Variants in NAP1L1 observed in about 807,000 individuals in gnomAD.
NAP1L1 encodes the protein nucleosome assembly protein 1-like 1.
Under a neutral mutation model 58.9 loss-of-function variants are expected in NAP1L1, and 9 were observed. The ratio of observed to expected loss-of-function variants is 0.15; its 90% CI spans 0.09 to 0.27. The LOEUF is 0.27. NAP1L1 is among the 10% of genes least tolerant of loss of function. NAP1L1 has a pLI of 1.00. For synonymous variants in NAP1L1, 130 were observed against 138.3 expected (o/e 0.94, Z 0.42); for missense variants, 302 against 458.8 (o/e 0.66, Z 3.12).
At position 76,042,636 on chromosome 12, in the gene NAP1L1, T is replaced by C. The variant is rs139342496; in HGVS notation, c.*5793A>G. 1 of 152,270 alleles carries C rather than the reference T, an allele frequency of 6.6e-6. No homozygotes were observed. The highest frequency in any genetic ancestry group is 1.9e-4 in the East Asian group (1 of 5,180). The allele number at this position is 152,270 out of a possible 1,614,324, so 9.4% of individuals were successfully genotyped here. A position where few individuals can be genotyped will look rare whatever the true frequency, so the allele number is the denominator to read the frequency against. On this transcript the variant is annotated 3_prime_UTR_variant, in exon 15 of 15. Coordinates refer to ENST00000618691, the MANE Select transcript of NAP1L1 (RefSeq NM_004537.7). The stretch of plus-strand genomic sequence containing the variant: ...CGGACGGCAGTAGCAGTAGGAAAAA[T>C]AACATTGTTTGATTCAACTTCAAAG...
intron 11 of NAP1L1, 39 bp downstream of exon 11, chr12:76,053,052 T>C (rs202086816): frequency 5.1e-6 from 8 of 1,567,126 alleles, no homozygotes; most frequent in East Asian, 4.5e-5. Context: ...ATTTCAAATA[T>C]ACTTAACAAT....
intron 6 of NAP1L1, chr12:76,058,219 ATATATG>A (rs1471163355): frequency 2.9e-5 from 5 of 172,538 alleles, no homozygotes; most frequent in Non-Finnish European, 2.5e-5. Context: ...ATATATATAT[ATATATG>A]TATTCTACAG....
At chr12:76,062,461 T>C (rs887598741) in intron 4 of NAP1L1, among the ~76,000 whole-genome samples, 58 of 152,134 alleles carry the variant, frequency 3.8e-4, no homozygotes, top group Non-Finnish European at 1.6e-4. Context: ...ACAATTTCTA[T>C]GAAAGAGTGA....
intron 1 of NAP1L1, among the ~76,000 whole-genome samples, chr12:76,080,949 T>C (rs1317341656): frequency 6.6e-6 from 1 of 152,128 alleles, no homozygotes; most frequent in Non-Finnish European, 1.5e-5. Flanking sequence ...GTTAGCACAC[T>C]CAGCCCCCTC....
intron 1 of NAP1L1, among the ~76,000 whole-genome samples, chr12:76,076,833 C>A (rs754385009): frequency 6.6e-6 from 1 of 151,954 alleles, no homozygotes; most frequent in Non-Finnish European, 1.5e-5. Flanking sequence ...TAGCCTACTA[C>A]GCACCTAGGC....
In NAP1L1 at chr12:76,047,296, A is replaced by G. The variant is rs1267018077; in HGVS notation, c.*1133T>C. 6.6e-6 allele frequency: 1 copy of G among 152,384 alleles called. No homozygotes were observed. The highest frequency in any genetic ancestry group is 2.4e-5 in the African/African-American group (1 of 41,410). 9.4% of individuals were successfully genotyped at this position (152,384 alleles called of 1,614,324 possible). On this transcript the variant is annotated 3_prime_UTR_variant, in exon 15 of 15. Coordinates refer to ENST00000618691, the MANE Select transcript of NAP1L1 (RefSeq NM_004537.7). ...AAGCACGGGTAAGTGACATACTCAT[A>G]CTTTAAGCAATAAGAATTAGAAGAA...
At chr12:76,069,069 C>T in intron 2 of NAP1L1, 75 bp from the exon 3 acceptor site, 1 of 1,074,404 alleles carries the variant, frequency 9.3e-7, no homozygotes, top group Non-Finnish European at 1.4e-6. Context: ...ACTTAAAATT[C>T]ATTTTCAAAA....
At position 76,036,994 on chromosome 12, in the gene NAP1L1, G is replaced by A. The variant is rs1484816886; in HGVS notation, c.*11435C>T. ...GAGGCAGGAGAATTGCTTGAGCCAGGGAGGTGAAGGTTACAGTGAGCCAAG... is the reference window on the plus strand; with the variant it reads ...GAGGCAGGAGAATTGCTTGAGCCAGAGAGGTGAAGGTTACAGTGAGCCAAG... On this transcript the variant is annotated 3_prime_UTR_variant, in exon 15 of 15. Coordinates refer to ENST00000618691, the MANE Select transcript of NAP1L1 (RefSeq NM_004537.7). 2 of 152,066 alleles carry A rather than the reference G, an allele frequency of 1.3e-5. No homozygotes were observed. The highest frequency in any genetic ancestry group is 2.9e-5 in the Non-Finnish European group (2 of 68,066). 9.4% of individuals were successfully genotyped at this position (152,066 alleles called of 1,614,324 possible). A position where few individuals can be genotyped will look rare whatever the true frequency, so the allele number is the denominator to read the frequency against.
At chr12:76,065,775 G>T (rs1264518454) in intron 4 of NAP1L1, among the ~76,000 whole-genome samples, 1 of 151,900 alleles carries the variant, frequency 6.6e-6, no homozygotes, top group East Asian at 1.9e-4. Context: ...TCCTATCAAC[G>T]TTTTAAGGTT....
intron 4 of NAP1L1, among the ~76,000 whole-genome samples, chr12:76,065,018 T>G (rs1472647581): frequency 6.6e-6 from 1 of 152,186 alleles, no homozygotes; most frequent in East Asian, 1.9e-4. Context: ...ACTTTCTTTA[T>G]GCACATACAT....
At chr12:76,048,581 T>G in intron 14 of NAP1L1, 117 bp from the exon 15 acceptor site, 1 of 1,015,290 alleles carries the variant, frequency 9.8e-7, no homozygotes, top group South Asian at 1.4e-5. Context: ...AGAAATGGTA[T>G]AGGACAATGG....
At chr12:76,074,140 G>A (rs1000640585) in intron 2 of NAP1L1, 63 bp downstream of exon 2, 6 of 1,318,196 alleles carry the variant, frequency 4.6e-6, no homozygotes, top group Non-Finnish European at 6.5e-6. Flanking sequence ...ACTACTTGCT[G>A]TTAAGAACAG....
chr12:76,083,287 G>A (rs923166831), intron 1 of NAP1L1, among the ~76,000 whole-genome samples: 1 of 151,950 alleles, frequency 6.6e-6, no homozygotes, highest in Admixed American at 6.6e-5. Context: ...TTATTCTAGT[G>A]ACTTCAATAA....
chr12:76,057,295 C>CAAAA (rs1192509418), intron 6 of NAP1L1: 1 of 315,254 alleles, frequency 3.2e-6, no homozygotes, highest in South Asian at 3.0e-5. Context: ...GTCTCTTAAA[C>CAAAA]AAAAAAACTA....
At chr12:76,050,499 A>G (rs749654023) in intron 12 of NAP1L1, 32 bp downstream of exon 12, 12 of 1,588,774 alleles carry the variant, frequency 7.6e-6, no homozygotes, top group African/African-American at 5.4e-5. Flanking sequence ...CCCTCAACCA[A>G]TTATTTCTTT....
At chr12:76,067,783 A>G (rs1473930170) in intron 3 of NAP1L1, among the ~76,000 whole-genome samples, 1 of 152,190 alleles carries the variant, frequency 6.6e-6, no homozygotes, top group East Asian at 1.9e-4. Context: ...AAGAAGCTCA[A>G]AGCTTCATTC....
Position 76,057,746 on chromosome 12 carries a change from T to C in NAP1L1, c.430-1585A>G, listed in dbSNP as rs1478005737. 21 of 1,549,518 alleles carry C rather than the reference T, an allele frequency of 1.4e-5. No homozygotes were observed. The African/African-American group carries it at 2.6e-4, about 19-fold the overall frequency. ...CCAAATGAATATGCAAAACTTACTGTGGAAAATTCACCCAAACAAGAAGCT... is the reference window on the plus strand; with the variant it reads ...CCAAATGAATATGCAAAACTTACTGCGGAAAATTCACCCAAACAAGAAGCT... On this transcript the variant is annotated intron_variant, in intron 6 of 14. Coordinates refer to ENST00000618691, the MANE Select transcript of NAP1L1 (RefSeq NM_004537.7).
intron 1 of NAP1L1, among the ~76,000 whole-genome samples, chr12:76,081,467 G>A (rs1018753601): frequency 1.3e-5 from 2 of 152,078 alleles, no homozygotes; most frequent in African/African-American, 4.8e-5. Context: ...CAGGTGTGGT[G>A]GCTCACACCC....
chr12:76,048,515 G>A, intron 14 of NAP1L1, 51 bp from the exon 15 acceptor site: 1 of 1,588,884 alleles, frequency 6.3e-7, no homozygotes, highest in Non-Finnish European at 8.6e-7. Context: ...CTGCTTCAGT[G>A]AATTTCTCAA....
Sources: allele counts gnomAD v4.1 joint callset (sites outside exome capture counted in the v4.1 genomes callset), GRCh38; gene constraint gnomAD v4.1.1; transcripts MANE v1.5; gene names NCBI Gene and HGNC (gene_info 2026-07-23, HGNC 2026-07-21).